The following BAIAP2 variants were observed in gnomAD, a reference collection of about 807,000 sequenced individuals.
BAIAP2 encodes the protein BAR/IMD domain-containing adapter protein 2.
In BAIAP2, 18 loss-of-function variants were observed where a neutral mutation model predicts 63.0. That is an observed-to-expected ratio of 0.29 (90% CI 0.20 to 0.42). The LOEUF is 0.42. Ranked by LOEUF, BAIAP2 falls within the 10% of genes least tolerant of loss-of-function variation. BAIAP2 has a pLI of 1.00. For missense variants in BAIAP2, 610 were observed against 734.3 expected (o/e 0.83, Z 1.96); for synonymous variants, 386 against 307.6 (o/e 1.25, Z -2.67).
chr17:81,066,597 T>A (rs912941399), intron 3 of BAIAP2, among the ~76,000 whole-genome samples: 1 of 152,188 alleles, frequency 6.6e-6, no homozygotes, highest in African/African-American at 2.4e-5. Context: ...GTGTGCGGCA[T>A]CTCTGCGTCT....
At chr17:81,103,428 G>A in intron 7 of BAIAP2, 74 bp from the exon 8 acceptor site, 1 of 1,355,350 alleles carries the variant, frequency 7.4e-7, no homozygotes, top group Non-Finnish European at 1.0e-6. Context: ...CTCAGGGAGG[G>A]CCCTCAGCGC....
intron 6 of BAIAP2, chr17:81,097,767 G>A: frequency 9.4e-6 from 2 of 212,282 alleles, no homozygotes; most frequent in African/African-American, 2.3e-5. Context: ...GGAGAAGCTG[G>A]CTCCCTGCTG....
In BAIAP2 at chr17:81,103,547, T is replaced by C. The variant is rs1421282377; in HGVS notation, c.688T>C (p.Cys230Arg). 5.0e-6 allele frequency: 8 copies of C among 1,597,150 alleles called. No individual in the cohort carries two copies. Among genetic ancestry groups the C allele is most frequent in the Non-Finnish European group, 6.8e-6 (8 of 1,177,568 alleles). ...GAAGCTGCCGCTGTGGCAACAGGCC[T>C]GTGCCGACCCCAGCAAGATCCCGGA... ...AQKLPLWQQA[C>R]ADPSKIPERA... Residue 230 changes from cysteine to arginine, a missense_variant, in exon 8 of 14, where the codon TGT becomes CGT. Cys to Arg is a radical substitution (Grantham distance 180). Around this residue, in one of 5 missense-constraint regions of BAIAP2, gnomAD observed 389 missense variants for 455.6 expected, o/e 0.85. Transcript: ENST00000428708.
At chr17:81,052,398 C>T (rs1568078779) in intron 1 of BAIAP2, among the ~76,000 whole-genome samples, 1 of 152,250 alleles carries the variant, frequency 6.6e-6, no homozygotes, top group Non-Finnish European at 1.5e-5. Flanking sequence ...TGGGCTAGCA[C>T]GCAAAGGCGC....
At chr17:81,108,189 G>C (rs1015527777) in intron 12 of BAIAP2, 1 of 500,228 alleles carries the variant, frequency 2.0e-6, no homozygotes, top group African/African-American at 2.0e-5. Context: ...GTCTCAGGCG[G>C]CCAGTCTTGC....
At chr17:81,096,575 T>C (rs1598759043) in intron 6 of BAIAP2, among the ~76,000 whole-genome samples, 1 of 152,082 alleles carries the variant, frequency 6.6e-6, no homozygotes, top group Non-Finnish European at 1.5e-5. Context: ...CATGGGTGGG[T>C]GCTCATCTCC....
chr17:81,078,250 A>G (rs1268901542), intron 3 of BAIAP2, among the ~76,000 whole-genome samples: 1 of 94,220 alleles, frequency 1.1e-5, no homozygotes, highest in African/African-American at 4.1e-5. Context: ...CGGGTGCCGT[A>G]TTGGGTGGGA....
intron 12 of BAIAP2, 154 bp downstream of exon 12, chr17:81,107,061 T>A: frequency 1.1e-6 from 1 of 921,830 alleles, no homozygotes; most frequent in Non-Finnish European, 1.6e-6. Flanking sequence ...TTTGGGAATG[T>A]GTACACACCC....
chr17:81,101,895 C>A (rs1467478027), intron 7 of BAIAP2, among the ~76,000 whole-genome samples: 1 of 152,258 alleles, frequency 6.6e-6, no homozygotes, highest in Non-Finnish European at 1.5e-5. Context: ...GCGCAGGCCT[C>A]CCGCCTGCTA....
intron 3 of BAIAP2, among the ~76,000 whole-genome samples, chr17:81,061,089 G>A (rs1264508929): frequency 3.3e-5 from 5 of 152,142 alleles, no homozygotes; most frequent in African/African-American, 9.7e-5. Context: ...GTGCCATTGC[G>A]CTCCAGCCTG....
intron 3 of BAIAP2, among the ~76,000 whole-genome samples, chr17:81,082,158 C>T (rs1490732422): frequency 3.3e-5 from 5 of 152,130 alleles, no homozygotes; most frequent in Non-Finnish European, 7.4e-5. Flanking sequence ...TGGGTAGCGG[C>T]ATCCAGGGCG....
At chr17:81,104,273 C>T (rs565480180) in intron 9 of BAIAP2, among the ~76,000 whole-genome samples, 165 bp downstream of exon 9, 5 of 152,342 alleles carry the variant, frequency 3.3e-5, no homozygotes, top group East Asian at 1.9e-4. Context: ...GCCTGCCCAG[C>T]ATCCAGCTCC....
chr17:81,105,809 G>A, intron 10 of BAIAP2: 1 of 403,872 alleles, frequency 2.5e-6, no homozygotes, highest in Non-Finnish European at 4.6e-6. Flanking sequence ...CAACTGCTCT[G>A]CCCGGGCTCT....
intron 3 of BAIAP2, among the ~76,000 whole-genome samples, chr17:81,070,026 G>A (rs2052305238): frequency 6.6e-6 from 1 of 152,122 alleles, no homozygotes; most frequent in South Asian, 2.1e-4. Context: ...TGGTGGCGCA[G>A]TCATACATAG....
chr17:81,071,988 C>G (rs1489855041), intron 3 of BAIAP2, among the ~76,000 whole-genome samples: 1 of 152,252 alleles, frequency 6.6e-6, no homozygotes, highest in African/African-American at 2.4e-5. Context: ...CCCCCCCTCC[C>G]CCTCTGCTTC....
chr17:81,094,892 G>A (rs2057370972), intron 6 of BAIAP2, among the ~76,000 whole-genome samples: 1 of 152,250 alleles, frequency 6.6e-6, no homozygotes, highest in South Asian at 2.1e-4. Context: ...TATGCTGCAG[G>A]GGACCTGGGG....
intron 13 of BAIAP2, chr17:81,110,007 G>A: frequency 1.0e-6 from 1 of 985,474 alleles, no homozygotes; most frequent in Non-Finnish European, 1.2e-6. Flanking sequence ...CTTTTTGTGT[G>A]TCTTGGTGAC....
intron 4 of BAIAP2, 33 bp from the exon 5 acceptor site, chr17:81,085,621 C>G (rs1292448690): frequency 1.3e-6 from 2 of 1,587,608 alleles, no homozygotes; most frequent in Admixed American, 1.7e-5. Context: ...TGTGTTGGAG[C>G]TGACGGCTGA....
intron 11 of BAIAP2, 25 bp from the exon 12 acceptor site, chr17:81,106,720 C>A (rs531523237): frequency 1.2e-6 from 2 of 1,611,996 alleles, no homozygotes; most frequent in Non-Finnish European, 1.7e-6. Flanking sequence ...CCTGCTGGGC[C>A]GCCTCTGAGT....
Sources: allele counts gnomAD v4.1 joint callset (sites outside exome capture counted in the v4.1 genomes callset), GRCh38; gene constraint gnomAD v4.1.1; regional missense constraint gnomAD v4.1.1; transcripts MANE v1.5; gene names NCBI Gene and HGNC (gene_info 2026-07-23, HGNC 2026-07-21).